The following DPYD variants were observed in gnomAD, a reference collection of about 807,000 sequenced individuals.
DPYD encodes dihydropyrimidine dehydrogenase [NADP(+)].
DPYD carries 109 observed loss-of-function variants against 116.2 expected under a neutral mutation model. The observed-to-expected ratio is 0.94, with a 90% CI of 0.80 to 1.10. The LOEUF is 1.10. DPYD is among the 50% of genes least tolerant of loss of function. The pLI is 0.00. For synonymous variants in DPYD, 440 were observed against 432.0 expected (o/e 1.02, Z -0.23); for missense variants, 1,302 against 1,254.5 (o/e 1.04, Z -0.57).
intron 3 of DPYD, among the ~76,000 whole-genome samples, chr1:97,764,304 T>C (rs1332167978): frequency 3.9e-5 from 6 of 152,072 alleles, no homozygotes; most frequent in African/African-American, 1.4e-4. Flanking sequence ...AATTAAAATA[T>C]AGTATAAGGT....
At chr1:97,452,210 C>T (rs1676454666) in intron 13 of DPYD, among the ~76,000 whole-genome samples, 1 of 152,122 alleles carries the variant, frequency 6.6e-6, no homozygotes, top group Non-Finnish European at 1.5e-5. Context: ...TAGTAACATG[C>T]TCTGACTCAT....
chr1:97,474,382 A>C (rs1200722703), intron 13 of DPYD, among the ~76,000 whole-genome samples: 2 of 152,132 alleles, frequency 1.3e-5, no homozygotes, highest in Admixed American at 6.5e-5. Flanking sequence ...ATATATTTAC[A>C]ATTAGATACA....
Position 97,569,717 on chromosome 1 carries a change from G to A in DPYD, c.1339+4043C>T, listed in dbSNP as rs17116954. On this transcript the variant is annotated intron_variant, in intron 11 of 22. Transcript: ENST00000370192. ...TTTCACAAGAAAGATATTTAAGGCT[G>A]ACGTTATATCAATTGAGTCAGAAAT... Among the ~76,000 whole-genome samples, 585 of 152,024 alleles carry A rather than the reference G, an allele frequency of 3.8e-3. 9 individuals carry two copies. Among genetic ancestry groups the A allele is most frequent in the African/African-American group, 0.014 (567 of 41,506 alleles).
At chr1:97,509,274 ATAAAACATG>A (rs1266540540) in intron 13 of DPYD, among the ~76,000 whole-genome samples, 1 of 152,044 alleles carries the variant, frequency 6.6e-6, no homozygotes, top group East Asian at 1.9e-4. Flanking sequence ...ATAACAAAAT[ATAAAACATG>A]TGGCCCTGGC....
At chr1:97,162,862 G>C (rs1158556558) in intron 20 of DPYD, among the ~76,000 whole-genome samples, 3 of 151,014 alleles carry the variant, frequency 2.0e-5, no homozygotes, top group Non-Finnish European at 3.0e-5. Flanking sequence ...ACAAACCTGA[G>C]AAAAACAAGC....
At chr1:97,382,493 C>A in intron 14 of DPYD, 32 bp from the exon 15 acceptor site, 1 of 1,371,416 alleles carries the variant, frequency 7.3e-7, no homozygotes, top group Non-Finnish European at 1.0e-6. Flanking sequence ...AATATAAGTT[C>A]AAGTAGTTAT....
chr1:97,261,891 T>C (rs778451092), intron 18 of DPYD, among the ~76,000 whole-genome samples: 7 of 152,078 alleles, frequency 4.6e-5, no homozygotes, highest in Non-Finnish European at 8.8e-5. Context: ...GATAATTCCT[T>C]AAACACTAAA....
intron 8 of DPYD, among the ~76,000 whole-genome samples, chr1:97,666,134 C>T (rs1349265143): frequency 6.6e-6 from 1 of 152,026 alleles, no homozygotes; most frequent in African/African-American, 2.4e-5. Flanking sequence ...TTCACAGAAA[C>T]TAATTTCAGT....
At chr1:97,577,243 C>T (rs1375796416) in intron 10 of DPYD, among the ~76,000 whole-genome samples, 2 of 152,170 alleles carry the variant, frequency 1.3e-5, no homozygotes, top group Admixed American at 6.6e-5. Context: ...GCAGCACCCC[C>T]GTTTCTCAGT....
At chr1:97,730,284 A>G (rs1313460330) in intron 4 of DPYD, among the ~76,000 whole-genome samples, 1 of 151,934 alleles carries the variant, frequency 6.6e-6, no homozygotes, top group African/African-American at 2.4e-5. Context: ...TGCAGTGGCG[A>G]TATCTTGGCT....
chr1:97,662,013 TTTA>T (rs1659290123), intron 8 of DPYD, among the ~76,000 whole-genome samples: 1 of 143,786 alleles, frequency 7.0e-6, no homozygotes, highest in African/African-American at 2.7e-5. Flanking sequence ...TTTTTTTTTT[TTTA>T]CGGAGTCTCG....
intron 2 of DPYD, among the ~76,000 whole-genome samples, chr1:97,868,736 G>A (rs1482637487): frequency 6.6e-6 from 1 of 151,764 alleles, no homozygotes; most frequent in African/African-American, 2.4e-5. Flanking sequence ...ATGTGTCTCT[G>A]AGTCAGAGCT....
At chr1:97,707,008 A>C (rs1196554561) in intron 5 of DPYD, among the ~76,000 whole-genome samples, 1 of 152,174 alleles carries the variant, frequency 6.6e-6, no homozygotes, top group East Asian at 1.9e-4. Flanking sequence ...GCATTTGGTG[A>C]TATCAGTGTT....
At chr1:97,322,286 A>T (rs1045007265) in intron 16 of DPYD, among the ~76,000 whole-genome samples, 2 of 151,412 alleles carry the variant, frequency 1.3e-5, no homozygotes, top group African/African-American at 4.8e-5. Context: ...GGAAAAAAAA[A>T]TTTCTTCCCA....
At chr1:97,604,775 A>T (rs1006253240) in intron 8 of DPYD, among the ~76,000 whole-genome samples, 6 of 152,070 alleles carry the variant, frequency 3.9e-5, no homozygotes, top group African/African-American at 1.2e-4. Context: ...CGCTTGGTCA[A>T]CAATTCCAGA....
At chr1:97,235,647 A>G (rs1661867885) in intron 18 of DPYD, among the ~76,000 whole-genome samples, 1 of 152,090 alleles carries the variant, frequency 6.6e-6, no homozygotes, top group Non-Finnish European at 1.5e-5. Context: ...CAAACAAAAA[A>G]CAAGGAACAG....
intron 4 of DPYD, 149 bp from the exon 5 acceptor site, chr1:97,721,820 A>G: frequency 1.4e-6 from 1 of 727,066 alleles, no homozygotes; most frequent in Non-Finnish European, 2.3e-6. Flanking sequence ...ACTATCAGGA[A>G]CCATCAATTA....
At chr1:97,259,173 T>C (rs566056744) in intron 18 of DPYD, among the ~76,000 whole-genome samples, 3 of 152,216 alleles carry the variant, frequency 2.0e-5, no homozygotes, top group Admixed American at 1.3e-4. Context: ...TCCAGTACTG[T>C]AAAACTGGGA....
chr1:97,712,774 C>T (rs1662364820), intron 5 of DPYD, among the ~76,000 whole-genome samples: 1 of 152,068 alleles, frequency 6.6e-6, no homozygotes, highest in Non-Finnish European at 1.5e-5. Flanking sequence ...AATCACTGTA[C>T]CATAGACACA....
Sources: allele counts gnomAD v4.1 joint callset (sites outside exome capture counted in the v4.1 genomes callset), GRCh38; gene constraint gnomAD v4.1.1; transcripts MANE v1.5; gene names NCBI Gene and HGNC (gene_info 2026-07-23, HGNC 2026-07-21).